Variants in PLPP3 observed in about 807,000 individuals in gnomAD.
The protein encoded by PLPP3 is PAP2 beta.
PLPP3 carries 6 observed loss-of-function variants against 29.6 expected under a neutral mutation model. That is an observed-to-expected ratio of 0.20 (90% CI 0.11 to 0.40). The LOEUF is 0.40. Ranked by LOEUF, PLPP3 falls within the 10% of genes least tolerant of loss-of-function variation. The pLI is 1.00. For synonymous variants in PLPP3, 152 were observed against 159.7 expected (o/e 0.95, Z 0.36); for missense variants, 308 against 407.7 (o/e 0.76, Z 2.11).
intron 2 of PLPP3, among the ~76,000 whole-genome samples, chr1:56,525,690 T>C (rs1645848162): frequency 1.3e-5 from 2 of 152,006 alleles, no homozygotes; most frequent in Non-Finnish European, 2.9e-5. Context: ...GAGACAGTGA[T>C]GGTCAACTCA....
At chr1:56,565,147 C>T (rs1391294956) in intron 1 of PLPP3, among the ~76,000 whole-genome samples, 4 of 152,218 alleles carry the variant, frequency 2.6e-5, no homozygotes, top group Admixed American at 1.3e-4. Context: ...GTGGCTGAGA[C>T]GCATTCTGCC....
intron 2 of PLPP3, among the ~76,000 whole-genome samples, chr1:56,534,028 T>TA (rs1389492538): frequency 3.3e-5 from 5 of 152,222 alleles, no homozygotes; most frequent in African/African-American, 1.2e-4. Context: ...AAACCCCTTT[T>TA]AGGTTCTGAG....
chr1:56,530,176 C>T (rs1020999104), intron 2 of PLPP3, among the ~76,000 whole-genome samples: 1 of 151,298 alleles, frequency 6.6e-6, no homozygotes, highest in Non-Finnish European at 1.5e-5. Flanking sequence ...GCTTTTGTTA[C>T]TATTTCTAAA....
intron 1 of PLPP3, among the ~76,000 whole-genome samples, chr1:56,537,680 G>T (rs1645937628): frequency 6.6e-6 from 1 of 152,124 alleles, no homozygotes; most frequent in Non-Finnish European, 1.5e-5. Flanking sequence ...GACTAAAGGA[G>T]ATCAACGCAC....
chr1:56,557,031 AG>A lies in PLPP3; in HGVS notation c.140-19920del, dbSNP rs1557513689. 3.8e-3 allele frequency among the ~76,000 whole-genome samples: 147 copies of A among 38,312 alleles called. 38 individuals are homozygous for A. The highest frequency in any genetic ancestry group is 5.8e-3 in the African/African-American group (82 of 14,168). The allele number at this position is 38,312 out of a possible 152,430, so 25.1% of individuals were successfully genotyped here. On this transcript the variant is annotated intron_variant, in intron 1 of 5. Transcript: ENST00000371250. ...GAAAGAGAGAGAGAGAGAGAAAGAG[AG>A]AGAGAGAGAGAGAGAGAGAGAGAGA...
chr1:56,502,347 CTT>C (rs1183675825), intron 5 of PLPP3, among the ~76,000 whole-genome samples: 1 of 152,122 alleles, frequency 6.6e-6, no homozygotes, highest in Non-Finnish European at 1.5e-5. Context: ...ATTTTAGAAT[CTT>C]AGAACCTCAA....
chr1:56,578,773 C>A, intron 1 of PLPP3, 105 bp downstream of exon 1: 2 of 1,210,976 alleles, frequency 1.7e-6, no homozygotes, highest in South Asian at 3.2e-5. Flanking sequence ...CCCCCCGGAG[C>A]TGACGGCGCG....
chr1:56,501,877 G>A (rs558394415), intron 5 of PLPP3, among the ~76,000 whole-genome samples: 75 of 152,334 alleles, frequency 4.9e-4, no homozygotes, highest in South Asian at 1.2e-3. Context: ...ATATGCTGAT[G>A]GGAGTTTTCT....
intron 5 of PLPP3, among the ~76,000 whole-genome samples, chr1:56,500,371 G>A (rs760816835): frequency 3.9e-5 from 6 of 152,222 alleles, no homozygotes; most frequent in Non-Finnish European, 8.8e-5. Context: ...GACTGAAGGG[G>A]AGTGGGAAGC....
rs185927668 is a variant in PLPP3, at chr1:56,495,404, A to T, written c.*1147T>A. ...GAAACTCTCTACCGAGATTTAACCCATATGTTCTGCCCAGCAGAACCTACC... is the reference window on the plus strand; with the variant it reads ...GAAACTCTCTACCGAGATTTAACCCTTATGTTCTGCCCAGCAGAACCTACC... On this transcript the variant is annotated 3_prime_UTR_variant, in exon 6 of 6. Coordinates refer to ENST00000371250, the MANE Select transcript of PLPP3 (RefSeq NM_003713.5). 1 of 152,670 alleles carries T rather than the reference A, an allele frequency of 6.6e-6. No homozygotes were observed. The highest frequency in any genetic ancestry group is 2.1e-4 in the South Asian group (1 of 4,836). The allele number at this position is 152,670 out of a possible 1,614,324, so 9.5% of individuals were successfully genotyped here. A position where few individuals can be genotyped will look rare whatever the true frequency, so the allele number is the denominator to read the frequency against.
intron 1 of PLPP3, among the ~76,000 whole-genome samples, chr1:56,540,815 G>A (rs1274499983): frequency 1.3e-5 from 2 of 152,168 alleles, no homozygotes; most frequent in Non-Finnish European, 2.9e-5. Context: ...TAGGCAGCTA[G>A]TCCAACTAGG....
chr1:56,566,619 C>T (rs1646163471), intron 1 of PLPP3, among the ~76,000 whole-genome samples: 1 of 152,182 alleles, frequency 6.6e-6, no homozygotes, highest in Admixed American at 6.5e-5. Context: ...CATTTACCCT[C>T]TCTGAGCTGC....
Position 56,523,868 on chromosome 1 carries a change from G to A in PLPP3, c.588C>T (p.Phe196=). The A allele has an allele frequency of 6.2e-7, 1 of 1,613,788 alleles. No homozygotes were observed. The highest frequency in any genetic ancestry group is 8.5e-7 in the Non-Finnish European group (1 of 1,179,776). Residue 196 remains phenylalanine (F), a synonymous_variant, in exon 4 of 6, where the codon TTC becomes TTT. Coordinates refer to ENST00000371250, the MANE Select transcript of PLPP3 (RefSeq NM_003713.5). Reference sequence around the variant, plus strand: ...ACATGGAGAAGGAGGCATGGCCAGAGAAGAAGGACTTCCTGCAAGAGCAAG... The same window carrying A: ...ACATGGAGAAGGAGGCATGGCCAGAAAAGAAGGACTTCCTGCAAGAGCAAG... The part of the protein sequence containing the change: ...SKVQEARKSF[F]SGHASFSMYT...
At chr1:56,557,821 C>T (rs1006849724) in intron 1 of PLPP3, among the ~76,000 whole-genome samples, 3 of 152,202 alleles carry the variant, frequency 2.0e-5, no homozygotes, top group Non-Finnish European at 4.4e-5. Context: ...AAACCTTATA[C>T]TTCCTCCATC....
At chr1:56,537,369 G>A (rs1645935391) in intron 1 of PLPP3, among the ~76,000 whole-genome samples, 1 of 152,102 alleles carries the variant, frequency 6.6e-6, no homozygotes, top group Non-Finnish European at 1.5e-5. Flanking sequence ...GGTAGGCAGT[G>A]AAAGAGCCAG....
intron 4 of PLPP3, among the ~76,000 whole-genome samples, chr1:56,518,535 G>C (rs183214721): frequency 2.0e-4 from 31 of 152,234 alleles, no homozygotes; most frequent in African/African-American, 7.0e-4. Flanking sequence ...GTTCTGATCA[G>C]AATGGAAAGG....
At chr1:56,506,956 C>T (rs969297325) in intron 5 of PLPP3, among the ~76,000 whole-genome samples, 2 of 152,158 alleles carry the variant, frequency 1.3e-5, no homozygotes, top group African/African-American at 2.4e-5. Context: ...CAGGCCTATC[C>T]GACCCTAAGT....
chr1:56,510,412 C>T (rs1645734249), intron 5 of PLPP3, among the ~76,000 whole-genome samples: 1 of 152,234 alleles, frequency 6.6e-6, no homozygotes, highest in Admixed American at 6.5e-5. Flanking sequence ...TTAAAACAGC[C>T]AGTCCAGTAG....
intron 1 of PLPP3, among the ~76,000 whole-genome samples, chr1:56,554,513 A>G (rs1245103279): frequency 6.6e-6 from 1 of 151,224 alleles, no homozygotes; most frequent in Non-Finnish European, 1.5e-5. Flanking sequence ...CGGAGCTTGC[A>G]GTGAGCAGAG....
Sources: gnomAD v4.1 joint callset for allele counts (sites outside exome capture counted in the v4.1 genomes callset) on GRCh38, gnomAD v4.1.1 for gene constraint, MANE v1.5 for transcripts, NCBI Gene and HGNC (gene_info 2026-07-23, HGNC 2026-07-21) for gene names.